The following CYREN variants were observed in gnomAD, a reference collection of about 807,000 sequenced individuals.
CYREN encodes the protein cell cycle regulator of NHEJ.
A neutral mutation model predicts 9.7 loss-of-function variants in CYREN; 7 were observed. The observed-to-expected ratio is 0.72, with a 90% CI of 0.41 to 1.36. CYREN has a LOEUF of 1.36. Ranked by LOEUF, CYREN falls within the 40% of genes most tolerant of loss-of-function variation. The pLI is 0.01. For synonymous variants in CYREN, 76 were observed against 77.9 expected, an observed-to-expected ratio of 0.98 and a Z score of 0.13; for missense variants, 215 against 198.1, an observed-to-expected ratio of 1.09 and a Z score of -0.51.
At chr7:135,122,621 G>T (rs1235672969) in intron 2 of CYREN, among the ~76,000 whole-genome samples, 1 of 152,158 alleles carries the variant, frequency 6.6e-6, no homozygotes, top group Non-Finnish European at 1.5e-5. Flanking sequence ...CCCTATACGT[G>T]AGCAATACTG....
At position 135,170,356 on chromosome 7, in the gene CYREN, GCCCT is replaced by G. The variant is rs556931361; in HGVS notation, c.-139+292_-139+295del. ...GCGATGTGCTGCCAGTTCACAGCCC[GCCCT>G]CCCTCTGCGGGCCGGTACCCGCCGC... On this transcript the variant is annotated intron_variant, in intron 1 of 3. Coordinates refer to ENST00000393114, the MANE Select transcript of CYREN (RefSeq NM_024033.4). 2.0e-5 allele frequency: 3 copies of G among 152,458 alleles called. No homozygotes were observed. In the South Asian group the frequency reaches 6.2e-4, roughly 32 times the overall value. The allele number at this position is 152,458 out of a possible 1,614,324, so 9.4% of individuals were successfully genotyped here. A position where few individuals can be genotyped will look rare whatever the true frequency, so the allele number is the denominator to read the frequency against.
downstream of CYREN, among the ~76,000 whole-genome samples, chr7:135,163,108 T>C (rs1829988621): frequency 6.6e-6 from 1 of 152,214 alleles, no homozygotes; most frequent in South Asian, 2.1e-4. Context: ...GTGGAAACAA[T>C]TTGTCTAGTA....
At chr7:135,134,155 T>C (rs1829164029) in intron 2 of CYREN, among the ~76,000 whole-genome samples, 1 of 152,162 alleles carries the variant, frequency 6.6e-6, no homozygotes, top group Non-Finnish European at 1.5e-5. Flanking sequence ...TCAATGTCAA[T>C]ATCCTGATTG....
chr7:135,092,985 G>C (rs116478347), exon 3 of CYREN: 1 of 151,162 alleles, frequency 6.6e-6, no homozygotes, highest in Admixed American at 6.6e-5. Flanking sequence ...ATTCTTTCAT[G>C]ATTAAAAAAG....
intron 2 of CYREN, among the ~76,000 whole-genome samples, chr7:135,140,756 A>C (rs1364045554): frequency 6.6e-6 from 1 of 151,930 alleles, no homozygotes; most frequent in Non-Finnish European, 1.5e-5. Context: ...GTTTGTTGAG[A>C]GTTTTTAACA....
rs371781054 is a variant in CYREN, at chr7:135,111,275, G to A, written n.357-16693C>T. Among the ~76,000 whole-genome samples the A allele has an allele frequency of 9.9e-5, 15 of 152,114 alleles. No individual in the cohort carries two copies. The South Asian group carries it at 2.3e-3, about 23-fold the overall frequency. ...TAGTGACATAACTCTAATTACTGCCGTCTTACTCACCTTCCTCAAAATATA... is the reference window on the plus strand; with the variant it reads ...TAGTGACATAACTCTAATTACTGCCATCTTACTCACCTTCCTCAAAATATA... On this transcript the variant is annotated intron_variant and non_coding_transcript_variant, in intron 2 of 2. Coordinates refer to the CYREN transcript ENST00000459937.
At position 135,166,527 on chromosome 7, in the gene CYREN, C is replaced by A. The variant is rs1263844850; in HGVS notation, c.*84G>T. 10 of 1,506,372 alleles carry A rather than the reference C, an allele frequency of 6.6e-6. No homozygotes were observed. The African/African-American group carries it at 1.4e-4, about 21-fold the overall frequency. The allele number at this position is 1,506,372 out of a possible 1,614,324, so 93.3% of individuals were successfully genotyped here. A position where few individuals can be genotyped will look rare whatever the true frequency, so the allele number is the denominator to read the frequency against. ...AGGAGCACAGAGAGCCCCATTCCCA[C>A]AGGCGGGCGGCCCAGCAGCACCAGT... is the stretch of plus-strand genomic sequence containing the variant. On this transcript the variant is annotated 3_prime_UTR_variant, in exon 4 of 4. Coordinates refer to ENST00000393114, the MANE Select transcript of CYREN (RefSeq NM_024033.4).
chr7:135,167,878 A>G (rs767017022), intron 2 of CYREN, 71 bp from the exon 3 acceptor site: 1 of 1,606,900 alleles, frequency 6.2e-7, no homozygotes, highest in South Asian at 1.1e-5. Flanking sequence ...AGAACAGGAG[A>G]AGCAGGGCCT....
chr7:135,145,027 A>G (rs1020463682), intron 2 of CYREN, among the ~76,000 whole-genome samples: 2 of 151,192 alleles, frequency 1.3e-5, no homozygotes. Context: ...CTGGATACAC[A>G]TTCAATTTTG....
chr7:135,148,833 C>G (rs78948930), intron 2 of CYREN, among the ~76,000 whole-genome samples: 149 of 152,276 alleles, frequency 9.8e-4, no homozygotes, highest in Non-Finnish European at 1.4e-3. Flanking sequence ...GCTCCTCATG[C>G]CCCAGTGGAA....
chr7:135,095,106 C>A (rs1822461963), intron 2 of CYREN, among the ~76,000 whole-genome samples: 1 of 152,160 alleles, frequency 6.6e-6, no homozygotes, highest in South Asian at 2.1e-4. Flanking sequence ...ACAGTCTTTA[C>A]CAGAACCTTA....
At chr7:135,108,843 T>C (rs995026980) in intron 2 of CYREN, among the ~76,000 whole-genome samples, 2 of 152,246 alleles carry the variant, frequency 1.3e-5, no homozygotes, top group Non-Finnish European at 2.9e-5. Context: ...TTGGCCTCTT[T>C]ACATAATCCA....
chr7:135,153,346 C>G (rs1829708323), intron 2 of CYREN, among the ~76,000 whole-genome samples: 1 of 148,978 alleles, frequency 6.7e-6, no homozygotes, highest in African/African-American at 2.5e-5. Flanking sequence ...CCTAGCTACT[C>G]GGGAGGCTGA....
chr7:135,100,972 C>T (rs1347378314), intron 2 of CYREN, among the ~76,000 whole-genome samples: 2 of 152,186 alleles, frequency 1.3e-5, no homozygotes, highest in Non-Finnish European at 2.9e-5. Flanking sequence ...TATTAAAAGA[C>T]TTTGCATACC....
chr7:135,106,593 T>C (rs1457757101), intron 2 of CYREN, among the ~76,000 whole-genome samples: 1 of 152,238 alleles, frequency 6.6e-6, no homozygotes, highest in African/African-American at 2.4e-5. Context: ...AGCTTTTTGA[T>C]GTGCTGCTGG....
At chr7:135,167,089 G>A in intron 3 of CYREN, 1 of 985,350 alleles carries the variant, frequency 1.0e-6, no homozygotes, top group Non-Finnish European at 1.2e-6. Flanking sequence ...CCACTCGGGA[G>A]AGAAGCAAGC....
Position 135,169,028 on chromosome 7 carries a change from C to T in CYREN, c.-106G>A. On this transcript the variant is annotated 5_prime_UTR_variant, in exon 2 of 4. The change abolishes an upstream ATG in the 5' untranslated region. Coordinates refer to ENST00000393114, the MANE Select transcript of CYREN (RefSeq NM_024033.4). ...CTCGTCACACCCGGAATTACAGGTC[C>T]ATTTGTCCTCAGTGGGAGTTGATCT... 1 of 1,096,578 alleles carries T rather than the reference C, an allele frequency of 9.1e-7. No individual in the cohort carries two copies. The highest frequency in any genetic ancestry group is 1.7e-5 in the South Asian group (1 of 60,280). The allele number at this position is 1,096,578 out of a possible 1,614,324, so 67.9% of individuals were successfully genotyped here.
intron 2 of CYREN, among the ~76,000 whole-genome samples, chr7:135,154,958 T>C (rs1459133821): frequency 1.4e-4 from 22 of 152,236 alleles, no homozygotes; most frequent in Admixed American, 1.4e-3. Context: ...CCTACAGTTA[T>C]TGTATTGCTG....
At chr7:135,148,378 G>C (rs1366147446) in intron 2 of CYREN, 2 of 320,864 alleles carry the variant, frequency 6.2e-6, no homozygotes, top group South Asian at 2.6e-5. Flanking sequence ...CCACATAGGG[G>C]AACTCACTGG....
Sources: gnomAD v4.1 joint callset for allele counts (sites outside exome capture counted in the v4.1 genomes callset) on GRCh38, gnomAD v4.1.1 for gene constraint, MANE v1.5 for transcripts, NCBI Gene and HGNC (gene_info 2026-07-23, HGNC 2026-07-21) for gene names.